The following GREB1L variants were observed in gnomAD, a reference collection of about 807,000 sequenced individuals.
GREB1L encodes the protein GREB1 like retinoic acid receptor coactivator, also known as GREB1-like protein.
A neutral mutation model predicts 200.8 loss-of-function variants in GREB1L; 17 were observed. The observed-to-expected ratio is 0.08, with a 90% CI of 0.06 to 0.13. The LOEUF is 0.13. Among genes scored for constraint, GREB1L ranks in the 10% least tolerant of loss-of-function variants. The pLI is 1.00. For missense variants in GREB1L, 1,657 were observed against 2,367.7 expected (o/e 0.70, Z 6.23); for synonymous variants, 789 against 893.0 (o/e 0.88, Z 2.08).
At chr18:21,384,677 C>G (rs1471311573) in intron 4 of GREB1L, among the ~76,000 whole-genome samples, 2 of 152,116 alleles carry the variant, frequency 1.3e-5, no homozygotes, top group Non-Finnish European at 2.9e-5. Flanking sequence ...ATTGCAGAGG[C>G]AATTCTAAAC....
intron 1 of GREB1L, among the ~76,000 whole-genome samples, chr18:21,353,591 A>C (rs2039465070): frequency 1.3e-5 from 2 of 152,132 alleles, no homozygotes; most frequent in South Asian, 4.2e-4. Flanking sequence ...TGTGATTTCT[A>C]GGTTAAGAAA....
At chr18:21,351,278 A>G (rs1244533817) in intron 1 of GREB1L, among the ~76,000 whole-genome samples, 1 of 152,156 alleles carries the variant, frequency 6.6e-6, no homozygotes, top group Non-Finnish European at 1.5e-5. Flanking sequence ...CAATTATTTA[A>G]AAATTAAAAC....
At chr18:21,456,851 C>T (rs539471579) in intron 15 of GREB1L, among the ~76,000 whole-genome samples, 56 of 152,182 alleles carry the variant, frequency 3.7e-4, no homozygotes, top group African/African-American at 8.9e-4. Flanking sequence ...GGGTTGTTGT[C>T]GGTCACACCA....
intron 21 of GREB1L, among the ~76,000 whole-genome samples, chr18:21,498,444 A>G (rs573326562): frequency 4.4e-4 from 67 of 152,242 alleles, no homozygotes; most frequent in Middle Eastern, 6.8e-3. Flanking sequence ...AATAGAGTCA[A>G]GGGGTTTGAA....
At chr18:21,458,137 TTTTTTGTA>T (rs1175452063) in intron 15 of GREB1L, among the ~76,000 whole-genome samples, 10 of 151,814 alleles carry the variant, frequency 6.6e-5, no homozygotes, top group Non-Finnish European at 1.0e-4. Context: ...CCTGGCTAAT[TTTTTTGTA>T]TTTTTAGTAG....
At chr18:21,363,273 T>TC (rs2039606295) in intron 1 of GREB1L, among the ~76,000 whole-genome samples, 4 of 4,760 alleles carry the variant, frequency 8.4e-4, no homozygotes, top group African/African-American at 8.0e-4. Flanking sequence ...CTGCCCCCAC[T>TC]CCGCCTCCCC....
chr18:21,414,142 G>C (rs1369119529), intron 7 of GREB1L, among the ~76,000 whole-genome samples: 1 of 152,092 alleles, frequency 6.6e-6, no homozygotes, highest in Non-Finnish European at 1.5e-5. Context: ...AACTAAAAAG[G>C]AAAAGCAACC....
rs2036977398 is a variant in GREB1L, at chr18:21,505,543, G to C, written c.4204G>C (p.Glu1402Gln). Residue 1402 changes from glutamate to glutamine, a missense_variant, in exon 24 of 33, where the codon GAG becomes CAG. By Grantham distance (29) the Glu-to-Gln change is conservative. This residue lies in a region of GREB1L where 512 missense variants were observed against 668.3 expected (regional missense o/e 0.77). Coordinates refer to ENST00000424526, the MANE Select transcript of GREB1L (RefSeq NM_001142966.3). ...KYSLMSLVYTEKLAGVKQEVI... is the reference protein window; with the variant it reads ...KYSLMSLVYTQKLAGVKQEVI... ...CAGTTTGATGAGCCTGGTGTATACT[G>C]AGAAGCTGGCAGGGGTCAAACAAGG... 1 of 1,551,702 alleles carries C rather than the reference G, an allele frequency of 6.4e-7. No homozygotes were observed. The highest frequency in any genetic ancestry group is 2.4e-5 in the East Asian group (1 of 40,936).
rs185607659 is a variant in GREB1L, at chr18:21,454,548, C to T, written c.2167C>T (p.Arg723Trp). The T allele has an allele frequency of 7.5e-4, 1,160 of 1,551,124 alleles. 1 individual carries two copies. Among genetic ancestry groups the T allele is most frequent in the South Asian group, 1.2e-3 (97 of 84,044 alleles). The stretch of plus-strand genomic sequence containing the variant: ...GGTGTTGGTTCAGCAAACTCTTCAG[C>T]GGATTCGACAATCAGGTAAGAGTGA... ...SEVLVQQTLQ[R>W]IRQSGVLVDL... is the part of the protein sequence containing the mutation. Residue 723 changes from arginine (R) to tryptophan (W), a missense_variant, in exon 15 of 33, where the codon CGG becomes TGG. Arg to Trp is a moderately radical substitution (Grantham distance 101). This residue lies in a region of GREB1L where 239 missense variants were observed against 421.8 expected (regional missense o/e 0.57). Transcript: ENST00000424526.
Position 21,496,173 on chromosome 18 carries a change from G to A in GREB1L, c.3147-281G>A, listed in dbSNP as rs879767413. On this transcript the variant is annotated intron_variant, in intron 20 of 32. Coordinates refer to ENST00000424526, the MANE Select transcript of GREB1L (RefSeq NM_001142966.3). ...AGCATTAGCTGAATGCTTACTGTGC[G>A]TGTCAGGCAGTGCCCTAAATGCCTT... Among the ~76,000 whole-genome samples, 6 of 152,110 alleles carry A rather than the reference G, an allele frequency of 3.9e-5. No individual in the cohort carries two copies. In the East Asian group the frequency reaches 9.6e-4, roughly 24 times the overall value.
At chr18:21,400,354 G>A (rs2041266990) in intron 5 of GREB1L, among the ~76,000 whole-genome samples, 1 of 152,090 alleles carries the variant, frequency 6.6e-6, no homozygotes, top group Non-Finnish European at 1.5e-5. Flanking sequence ...TAGATCTAAA[G>A]GAATAAGAAG....
intron 15 of GREB1L, chr18:21,468,842 G>T: frequency 2.2e-6 from 1 of 447,488 alleles, no homozygotes; most frequent in South Asian, 1.6e-5. Flanking sequence ...CTAATCAATT[G>T]TTTTGTGTAG....
chr18:21,348,971 A>G (rs1388902224), intron 1 of GREB1L, among the ~76,000 whole-genome samples: 1 of 152,100 alleles, frequency 6.6e-6, no homozygotes, highest in Non-Finnish European at 1.5e-5. Flanking sequence ...CAAAAAACCC[A>G]GTGTCCATAG....
intron 2 of GREB1L, among the ~76,000 whole-genome samples, chr18:21,377,383 C>T (rs1188432162): frequency 6.6e-6 from 1 of 152,174 alleles, no homozygotes; most frequent in Non-Finnish European, 1.5e-5. Context: ...AGGGACAGTA[C>T]TCCTTAACCT....
intron 1 of GREB1L, among the ~76,000 whole-genome samples, chr18:21,343,967 G>C (rs2039306177): frequency 6.6e-6 from 1 of 152,020 alleles, no homozygotes; most frequent in Admixed American, 6.6e-5. Context: ...GTAGAGACTG[G>C]TTTGACCGTG....
intron 1 of GREB1L, among the ~76,000 whole-genome samples, chr18:21,290,771 G>GC (rs2038435404): frequency 6.7e-6 from 1 of 149,770 alleles, no homozygotes. Context: ...GTTGCAGTGA[G>GC]CCGAGGTGGA....
intron 1 of GREB1L, among the ~76,000 whole-genome samples, chr18:21,343,974 C>T (rs577824988): frequency 2.0e-5 from 3 of 152,120 alleles, no homozygotes; most frequent in African/African-American, 4.8e-5. Flanking sequence ...CTGGTTTGAC[C>T]GTGTTGGCCA....
At chr18:21,308,369 A>G (rs1031683583) in intron 1 of GREB1L, among the ~76,000 whole-genome samples, 4 of 152,220 alleles carry the variant, frequency 2.6e-5, no homozygotes, top group Non-Finnish European at 4.4e-5. Context: ...TTAACTGTGT[A>G]TTTACAGAAC....
At chr18:21,413,115 C>T (rs1366892018) in intron 7 of GREB1L, among the ~76,000 whole-genome samples, 1 of 152,178 alleles carries the variant, frequency 6.6e-6, no homozygotes. Flanking sequence ...CGTCCTCCAC[C>T]ATGGCCTCCT....
Sources: allele counts gnomAD v4.1 joint callset (sites outside exome capture counted in the v4.1 genomes callset), GRCh38; gene constraint gnomAD v4.1.1; regional missense constraint gnomAD v4.1.1; transcripts MANE v1.5; gene names NCBI Gene and HGNC (gene_info 2026-07-23, HGNC 2026-07-21).